RNF19B: variants seen among roughly 807,000 people sequenced by gnomAD.
RNF19B encodes ring finger protein 19B, also known as E3 ubiquitin-protein ligase RNF19B.
In RNF19B, 23 loss-of-function variants were observed where a neutral mutation model predicts 65.5. That is an observed-to-expected ratio of 0.35 (90% CI 0.25 to 0.50). RNF19B has a LOEUF of 0.50. Among genes scored for constraint, RNF19B ranks in the 20% least tolerant of loss-of-function variants. The pLI is 0.98. For missense variants in RNF19B, 794 were observed against 980.0 expected (o/e 0.81, Z 2.53); for synonymous variants, 372 against 379.6 (o/e 0.98, Z 0.23).
chr1:32,957,605 G>A (rs194656), intron 1 of RNF19B, among the ~76,000 whole-genome samples: 27,358 of 152,076 alleles, frequency 0.18, 3,016 homozygotes, highest in East Asian at 0.25. Context: ...AGGGTGAGGC[G>A]GGTGGCTCGC....
Position 32,937,032 on chromosome 1 carries a change from G to A in RNF19B, c.1970C>T (p.Ala657Val), listed in dbSNP as rs1400019508. The A allele has an allele frequency of 6.2e-7, 1 of 1,614,206 alleles. No individual in the cohort carries two copies. Among genetic ancestry groups the A allele is most frequent in the South Asian group, 1.1e-5 (1 of 91,086 alleles). The change falls in exon 9 of 9, where the codon GCC (alanine) becomes GTC (valine). Residue 657 changes from alanine to valine, a missense_variant. Physicochemically the swap from Ala to Val is moderately conservative, Grantham distance 64 (BLOSUM62 0). Transcript: ENST00000235150. Reference sequence around the variant, plus strand: ...GTCACTGCGGATGCTTTCAGGCTGGGCCAGGCTGATGTCCCAAGGTTTGCT... The same window carrying A: ...GTCACTGCGGATGCTTTCAGGCTGGACCAGGCTGATGTCCCAAGGTTTGCT... Reference protein sequence around the residue: ...LASKPWDISLAQPESIRSDLE... With the variant: ...LASKPWDISLVQPESIRSDLE...
At position 32,948,379 on chromosome 1, in the gene RNF19B, G is replaced by A; in HGVS notation, c.842-16C>T. 2 of 1,607,360 alleles carry A rather than the reference G, an allele frequency of 1.2e-6. No homozygotes were observed. The highest frequency in any genetic ancestry group is 1.7e-6 in the Non-Finnish European group (2 of 1,175,344). ...TTGATGTCATCTGCTATGAGTGGGG[G>A]AAGAATGGGTAGAAAAAATACCCCT... On this transcript the variant is annotated splice_polypyrimidine_tract_variant and intron_variant, in intron 2 of 8. Transcript: ENST00000235150.
chr1:32,964,691 G>A lies in RNF19B; in HGVS notation c.-6C>T. The A allele has an allele frequency of 4.1e-6, 6 of 1,458,336 alleles. No homozygotes were observed. The highest frequency in any genetic ancestry group is 5.4e-6 in the Non-Finnish European group (6 of 1,109,310). The allele number at this position is 1,458,336 out of a possible 1,614,324, so 90.3% of individuals were successfully genotyped here. A position where few individuals can be genotyped will look rare whatever the true frequency, so the allele number is the denominator to read the frequency against. ...GAGTCCTTCTCGGAGCCCATGGCCG[G>A]CAGAGGCCGAGGAGCCAGGGGCGCC... On this transcript the variant is annotated 5_prime_UTR_variant, in exon 1 of 9. Coordinates refer to ENST00000235150, the MANE Select transcript of RNF19B (RefSeq NM_001300826.2). This position sits in a 1 kb window ranked among gnomAD's most constrained non-coding sequence, Gnocchi z 6.5.
At chr1:32,963,399 C>T (rs558375337) in intron 1 of RNF19B, among the ~76,000 whole-genome samples, 4 of 152,190 alleles carry the variant, frequency 2.6e-5, no homozygotes, top group East Asian at 3.9e-4. Flanking sequence ...CCAAATATCC[C>T]CTCCCCACTC....
chr1:32,945,853 G>T (rs566799221), intron 4 of RNF19B, among the ~76,000 whole-genome samples: 29 of 152,050 alleles, frequency 1.9e-4, no homozygotes, highest in African/African-American at 5.5e-4. Context: ...CCAGCAGAAT[G>T]AAGTAAGCAT....
chr1:32,963,010 A>G lies in RNF19B; in HGVS notation c.635+1041T>C, dbSNP rs1642807949. Among the ~76,000 whole-genome samples the G allele has an allele frequency of 2.0e-5, 3 of 152,206 alleles. No individual in the cohort carries two copies. In the South Asian group the frequency reaches 6.2e-4, roughly 31 times the overall value. Reference sequence around the variant, plus strand: ...TTTACTGCCCTTTAAAATTCAGCCTACATGGTGCATTAAAAAGACTGTCAT... The same window carrying G: ...TTTACTGCCCTTTAAAATTCAGCCTGCATGGTGCATTAAAAAGACTGTCAT... On this transcript the variant is annotated intron_variant, in intron 1 of 8. Coordinates refer to ENST00000235150, the MANE Select transcript of RNF19B (RefSeq NM_001300826.2).
chr1:32,948,114 C>G, intron 3 of RNF19B, 108 bp downstream of exon 3: 1 of 1,186,480 alleles, frequency 8.4e-7, no homozygotes, highest in Non-Finnish European at 1.2e-6. Context: ...GTTTTCACAG[C>G]TTCCTTAAAC....
intron 3 of RNF19B, among the ~76,000 whole-genome samples, chr1:32,947,054 G>A (rs1233496106): frequency 6.6e-6 from 1 of 152,138 alleles, no homozygotes; most frequent in Non-Finnish European, 1.5e-5. Flanking sequence ...CTATCAGTTT[G>A]GTATTCTGAG....
At chr1:32,947,676 G>T (rs201404199) in intron 3 of RNF19B, among the ~76,000 whole-genome samples, 1 of 145,538 alleles carries the variant, frequency 6.9e-6, no homozygotes, top group African/African-American at 2.5e-5. Context: ...AAAAAAAAAA[G>T]AATTCACTTA....
chr1:32,944,466 C>G (rs1642317762), intron 5 of RNF19B, among the ~76,000 whole-genome samples: 1 of 152,104 alleles, frequency 6.6e-6, no homozygotes, highest in Admixed American at 6.5e-5. Context: ...TTCATTTTCC[C>G]CTCTTCTAAT....
chr1:32,941,503 G>A (rs912416854), intron 7 of RNF19B, among the ~76,000 whole-genome samples: 1 of 152,086 alleles, frequency 6.6e-6, no homozygotes, highest in African/African-American at 2.4e-5. Flanking sequence ...TTGCACCATT[G>A]CACTCCAGCC....
chr1:32,942,122 C>T, intron 7 of RNF19B, 130 bp downstream of exon 7: 1 of 826,244 alleles, frequency 1.2e-6, no homozygotes, highest in South Asian at 1.9e-5. Context: ...AAAAACAAAA[C>T]AAAACAAAAC....
chr1:32,958,605 A>T (rs1335851468), intron 1 of RNF19B, among the ~76,000 whole-genome samples: 1 of 152,026 alleles, frequency 6.6e-6, no homozygotes, highest in East Asian at 1.9e-4. Flanking sequence ...AGTCCCAGCT[A>T]CTCAGGAGGC....
Position 32,936,530 on chromosome 1 carries a change from A to C in RNF19B, c.*276T>G. On this transcript the variant is annotated 3_prime_UTR_variant, in exon 9 of 9. Coordinates refer to ENST00000235150, the MANE Select transcript of RNF19B (RefSeq NM_001300826.2). ...TCAATATACACACATACATATGTAC[A>C]CTCTTTGACACACCTCATGGATTGC... is the stretch of plus-strand genomic sequence containing the variant. The C allele has an allele frequency of 2.9e-6, 1 of 348,950 alleles. No homozygotes were observed. Among genetic ancestry groups the C allele is most frequent in the Non-Finnish European group, 5.2e-6 (1 of 191,792 alleles). 21.6% of individuals were successfully genotyped at this position (348,950 alleles called of 1,614,324 possible). A position where few individuals can be genotyped will look rare whatever the true frequency, so the allele number is the denominator to read the frequency against.
At chr1:32,933,016 G>T (rs971519894), downstream of RNF19B, among the ~76,000 whole-genome samples, 15 of 152,178 alleles carry the variant, frequency 9.9e-5, no homozygotes, top group African/African-American at 3.6e-4. Flanking sequence ...ACCTGGTCAT[G>T]TCAAGTAGCA....
At chr1:32,929,323 G>T in the RNF19B span, among the ~76,000 whole-genome samples, 1 of 152,120 alleles carries the variant, frequency 6.6e-6, no homozygotes, top group African/African-American at 2.4e-5. Context: ...ATGCCAATAA[G>T]ACCTCATCTT....
intron 1 of RNF19B, among the ~76,000 whole-genome samples, chr1:32,954,284 G>C (rs570298387): frequency 1.3e-5 from 2 of 151,292 alleles, no homozygotes; most frequent in Non-Finnish European, 2.9e-5. Context: ...TGTGTAATTT[G>C]GTGCCAAGGA....
intron 1 of RNF19B, among the ~76,000 whole-genome samples, chr1:32,963,299 C>T (rs72654081): frequency 0.067 from 10,202 of 152,180 alleles, 502 homozygotes; most frequent in Admixed American, 0.14. Flanking sequence ...GAGAACACGC[C>T]TTCTTCTGCA....
intron 1 of RNF19B, among the ~76,000 whole-genome samples, chr1:32,950,219 C>T (rs1307099927): frequency 1.3e-5 from 2 of 152,084 alleles, no homozygotes; most frequent in African/African-American, 2.4e-5. Flanking sequence ...GTGATCCACC[C>T]GCCTCGGCCT....
Sources: allele counts gnomAD v4.1 joint callset (sites outside exome capture counted in the v4.1 genomes callset), GRCh38; gene constraint gnomAD v4.1.1; non-coding constraint Gnocchi (gnomAD v3.1); transcripts MANE v1.5; gene names NCBI Gene and HGNC (gene_info 2026-07-23, HGNC 2026-07-21).